Variants in RNF216 observed in about 807,000 individuals in gnomAD.
RNF216 encodes the protein E3 ubiquitin-protein ligase RNF216.
In RNF216, 72 loss-of-function variants were observed where a neutral mutation model predicts 110.8. That is an observed-to-expected ratio of 0.65 (90% CI 0.54 to 0.79). The LOEUF (loss-of-function observed/expected upper bound fraction) is 0.79, where lower values mean the gene tolerates loss of function less well. Ranked by LOEUF, RNF216 falls within the 30% of genes least tolerant of loss-of-function variation. The pLI, the probability that RNF216 is intolerant of heterozygous loss-of-function variation, is 0.00. For missense variants in RNF216, 1,342 were observed against 1,141.2 expected (o/e 1.18, Z -2.54); for synonymous variants, 495 against 407.5 (o/e 1.21, Z -2.59).
rs373884421 is a variant in RNF216 at position 5,641,326 on chromosome 7, G to T, written c.2210C>A (p.Thr737Asn). Residue 737 changes from threonine to asparagine, a missense_variant, in exon 15 of 17, where the codon ACT becomes AAT. Thr to Asn is a moderately conservative substitution (Grantham distance 65). Transcript: ENST00000389902. ...GCAGCCTTCAGATTTGATGAGGCCA[G>T]TCCCACACTTGTGGCATTTTCTAAT... ...ARIRKCHKCGTGLIKSEGCNR... is the reference protein window; with the variant it reads ...ARIRKCHKCGNGLIKSEGCNR... 6.2e-7 allele frequency: 1 copy of T among 1,614,158 alleles called. No individual in the cohort carries two copies. The highest frequency in any genetic ancestry group is 1.7e-5 in the Admixed American group (1 of 60,022).
At chr7:5,745,466 T>C (rs1410017460) in intron 3 of RNF216, among the ~76,000 whole-genome samples, 1 of 152,184 alleles carries the variant, frequency 6.6e-6, no homozygotes, top group Admixed American at 6.5e-5. Flanking sequence ...TTTGAGGAAG[T>C]ACCGTAATAT....
intron 13 of RNF216, among the ~76,000 whole-genome samples, chr7:5,708,554 A>C (rs1176519624): frequency 6.6e-6 from 1 of 152,236 alleles, no homozygotes; most frequent in East Asian, 1.9e-4. Context: ...TACAGTACTC[A>C]ATAAATTACA....
At chr7:5,759,182 G>A (rs1795799008) in intron 2 of RNF216, among the ~76,000 whole-genome samples, 1 of 152,130 alleles carries the variant, frequency 6.6e-6, no homozygotes, top group South Asian at 2.1e-4. Context: ...TTTTCCTTCT[G>A]TCATGATTGT....
intron 15 of RNF216, among the ~76,000 whole-genome samples, chr7:5,639,917 G>A (rs1166191518): frequency 6.6e-6 from 1 of 151,844 alleles, no homozygotes; most frequent in African/African-American, 2.4e-5. Flanking sequence ...CTGCCACCAC[G>A]CCCGGCTAAT....
Position 5,725,405 on chromosome 7 carries a change from G to T in RNF216, c.1423C>A (p.Leu475Met). The T allele has an allele frequency of 6.2e-7, 1 of 1,613,220 alleles. No individual in the cohort carries two copies. Among genetic ancestry groups the T allele is most frequent in the Non-Finnish European group, 8.5e-7 (1 of 1,179,184 alleles). The stretch of plus-strand genomic sequence containing the variant: ...CTTTTTCCACTGGTTTCTGGTGACA[G>T]CTCCTGCCATTTTTTAATGGCATCA... ...LSDAIKKWQELSPETSGKRKK... is the reference protein window; with the variant it reads ...LSDAIKKWQEMSPETSGKRKK... Residue 475 changes from leucine (L) to methionine (M), a missense_variant, in exon 8 of 17, where the codon CTG (leucine) becomes ATG (methionine). Transcript: ENST00000389902.
intron 13 of RNF216, among the ~76,000 whole-genome samples, chr7:5,668,530 G>C (rs183894228): frequency 6.6e-6 from 1 of 152,064 alleles, no homozygotes; most frequent in Non-Finnish European, 1.5e-5. Context: ...GCCACAAAGC[G>C]GACTTTTAAT....
chr7:5,778,853 C>T (rs1385016972), intron 1 of RNF216, among the ~76,000 whole-genome samples: 1 of 152,248 alleles, frequency 6.6e-6, no homozygotes, highest in Non-Finnish European at 1.5e-5. Context: ...ATGTGATTCT[C>T]CTGCCTCAGC....
intron 1 of RNF216, among the ~76,000 whole-genome samples, chr7:5,765,282 G>A (rs1405207826): frequency 6.6e-6 from 1 of 151,738 alleles, no homozygotes; most frequent in Non-Finnish European, 1.5e-5. Flanking sequence ...GCAACACAGT[G>A]AGGACTATCT....
intron 7 of RNF216, among the ~76,000 whole-genome samples, chr7:5,726,718 A>T (rs570266704): frequency 3.3e-5 from 5 of 152,022 alleles, no homozygotes; most frequent in African/African-American, 1.2e-4. Context: ...AATTAGCTGG[A>T]CGTGGTAGCA....
At chr7:5,676,152 G>C (rs1245164974) in intron 13 of RNF216, among the ~76,000 whole-genome samples, 1 of 151,872 alleles carries the variant, frequency 6.6e-6, no homozygotes, top group East Asian at 1.9e-4. Flanking sequence ...TGGGACTACA[G>C]GCATATGCCA....
intron 1 of RNF216, chr7:5,766,852 A>G (rs923727502): frequency 6.6e-6 from 1 of 152,238 alleles, no homozygotes; most frequent in African/African-American, 2.4e-5. Context: ...AATTCTATAC[A>G]ACTATAAAGG....
At chr7:5,687,394 C>CAAAAAAAAA (rs372177142) in intron 13 of RNF216, among the ~76,000 whole-genome samples, 14 of 49,822 alleles carry the variant, frequency 2.8e-4, no homozygotes, top group African/African-American at 5.6e-4. Flanking sequence ...AACTCCACCT[C>CAAAAAAAAA]AAAAAAAAAA....
At chr7:5,630,379 C>T (rs777554882) in intron 15 of RNF216, among the ~76,000 whole-genome samples, 4 of 152,064 alleles carry the variant, frequency 2.6e-5, no homozygotes, top group Non-Finnish European at 5.9e-5. Flanking sequence ...CCAATCATCT[C>T]GTACCTTTTT....
chr7:5,676,540 T>A (rs1310478954), intron 13 of RNF216, among the ~76,000 whole-genome samples: 1 of 152,004 alleles, frequency 6.6e-6, no homozygotes, highest in Non-Finnish European at 1.5e-5. Context: ...CCTCACAGTC[T>A]CCCGTCCGTC....
At chr7:5,745,817 G>A (rs1795001710) in intron 3 of RNF216, among the ~76,000 whole-genome samples, 1 of 149,012 alleles carries the variant, frequency 6.7e-6, no homozygotes, top group Admixed American at 6.8e-5. Flanking sequence ...CAGGATAATT[G>A]CTTAAACTCG....
At chr7:5,704,799 G>T (rs376616591) in intron 13 of RNF216, among the ~76,000 whole-genome samples, 14 of 152,188 alleles carry the variant, frequency 9.2e-5, no homozygotes, top group African/African-American at 3.4e-4. Flanking sequence ...ACTGCCTCAG[G>T]TCCCCATATA....
chr7:5,669,306 T>G lies in RNF216; in HGVS notation c.2062-16796A>C, dbSNP rs112470603. The stretch of plus-strand genomic sequence containing the variant: ...TTGGTTTTGCTGATCCTCTGATACC[T>G]CTATTTAGAAAAGAAATGATGAGAT... On this transcript the variant is annotated intron_variant, in intron 13 of 16. Coordinates refer to ENST00000389902, the MANE Select transcript of RNF216 (RefSeq NM_207111.4). Among the ~76,000 whole-genome samples, 508 of 152,288 alleles carry G rather than the reference T, an allele frequency of 3.3e-3. 1 individual carries two copies. Among genetic ancestry groups the G allele is most frequent in the Non-Finnish European group, 5.5e-3 (377 of 68,012 alleles).
At chr7:5,653,034 A>C (rs1192553809) in intron 13 of RNF216, among the ~76,000 whole-genome samples, 1 of 152,074 alleles carries the variant, frequency 6.6e-6, no homozygotes, top group Non-Finnish European at 1.5e-5. Context: ...GGATCTCGTT[A>C]ATCTCTGCAA....
intron 8 of RNF216, among the ~76,000 whole-genome samples, chr7:5,723,075 C>T (rs1002631885): frequency 1.7e-4 from 26 of 152,136 alleles, no homozygotes; most frequent in African/African-American, 5.6e-4. Context: ...GTAACATCTG[C>T]CAAGTTACTT....
Sources: gnomAD v4.1 joint callset for allele counts (sites outside exome capture counted in the v4.1 genomes callset) on GRCh38, gnomAD v4.1.1 for gene constraint, MANE v1.5 for transcripts, NCBI Gene and HGNC (gene_info 2026-07-23, HGNC 2026-07-21) for gene names.